The following CDKAL1 variants were observed in gnomAD, a reference collection of about 807,000 sequenced individuals.
The protein encoded by CDKAL1 is CDKAL1 threonylcarbamoyladenosine tRNA methylthiotransferase, also known as threonylcarbamoyladenosine tRNA methylthiotransferase.
Under a neutral mutation model 68.2 loss-of-function variants are expected in CDKAL1, and 32 were observed. That is an observed-to-expected ratio of 0.47 (90% CI 0.35 to 0.63). CDKAL1 has a LOEUF of 0.63. Among genes scored for constraint, CDKAL1 ranks in the 30% least tolerant of loss-of-function variants. The probability of loss-of-function intolerance (pLI) is 0.00; values close to 1 mark genes in which losing one functional copy is unlikely to be tolerated. For missense variants in CDKAL1, 606 were observed against 696.7 expected (o/e 0.87, Z 1.47); for synonymous variants, 234 against 244.3 (o/e 0.96, Z 0.39).
At position 20,628,163 on chromosome 6, in the gene CDKAL1, C is replaced by T. The variant is rs1279147410; in HGVS notation, c.287-21130C>T. 2.0e-5 allele frequency among the ~76,000 whole-genome samples: 3 copies of T among 152,050 alleles called. No individual in the cohort carries two copies. The East Asian group carries it at 5.8e-4, about 29-fold the overall frequency. Reference sequence around the variant, plus strand: ...TGAGTGGTGAGGGTGGTCATCCCTACCTTGTTCCTAATCTTAGGGAGAAAG... The same window carrying T: ...TGAGTGGTGAGGGTGGTCATCCCTATCTTGTTCCTAATCTTAGGGAGAAAG... On this transcript the variant is annotated intron_variant, in intron 4 of 15. Coordinates refer to ENST00000274695, the MANE Select transcript of CDKAL1 (RefSeq NM_017774.3).
intron 11 of CDKAL1, among the ~76,000 whole-genome samples, chr6:21,007,482 CAAAAAAAAAAAAA>C (rs147527333): frequency 8.3e-5 from 7 of 84,548 alleles, no homozygotes; most frequent in African/African-American, 2.9e-4. Flanking sequence ...GACCCTGTCT[CAAAAAAAAAAAAA>C]AAAAAAAAAA....
chr6:20,920,203 G>C (rs902857697), intron 9 of CDKAL1, among the ~76,000 whole-genome samples: 2 of 152,086 alleles, frequency 1.3e-5, no homozygotes, highest in African/African-American at 4.8e-5. Context: ...CATCTCTTTT[G>C]GTCTGACTGT....
At chr6:21,030,435 G>T (rs561553114) in intron 11 of CDKAL1, among the ~76,000 whole-genome samples, 2 of 152,052 alleles carry the variant, frequency 1.3e-5, no homozygotes, top group Admixed American at 1.3e-4. Flanking sequence ...CATGGCACAC[G>T]TATACCTATG....
At chr6:21,192,382 C>T (rs1400709579) in intron 13 of CDKAL1, among the ~76,000 whole-genome samples, 1 of 152,166 alleles carries the variant, frequency 6.6e-6, no homozygotes, top group Non-Finnish European at 1.5e-5. Flanking sequence ...AAGTTCTGTA[C>T]ATCCTAGGAA....
intron 15 of CDKAL1, among the ~76,000 whole-genome samples, chr6:21,224,524 T>TAAAC (rs911737383): frequency 6.6e-6 from 1 of 151,606 alleles, no homozygotes; most frequent in Non-Finnish European, 1.5e-5. Flanking sequence ...AAAATAATAA[T>TAAAC]AAACAATAAC....
intron 7 of CDKAL1, among the ~76,000 whole-genome samples, chr6:20,775,579 C>G (rs911232336): frequency 6.6e-6 from 1 of 152,196 alleles, no homozygotes; most frequent in African/African-American, 2.4e-5. Flanking sequence ...TTTTACCTTT[C>G]ACATCTCAAC....
At chr6:21,032,302 C>G (rs1769337121) in intron 11 of CDKAL1, among the ~76,000 whole-genome samples, 1 of 152,112 alleles carries the variant, frequency 6.6e-6, no homozygotes, top group Non-Finnish European at 1.5e-5. Context: ...GTTGCCCAGG[C>G]TGGTCTCAAA....
chr6:20,542,987 T>TATGTC (rs1763446779), intron 2 of CDKAL1, among the ~76,000 whole-genome samples: 1 of 152,252 alleles, frequency 6.6e-6, no homozygotes, highest in Non-Finnish European at 1.5e-5. Context: ...GGTTGATGCA[T>TATGTC]ATGTCATTAG....
intron 10 of CDKAL1, among the ~76,000 whole-genome samples, chr6:20,968,353 C>T (rs913769946): frequency 6.6e-6 from 1 of 151,756 alleles, no homozygotes; most frequent in Non-Finnish European, 1.5e-5. Context: ...GAGACAGAGT[C>T]TCACTGTGTT....
intron 9 of CDKAL1, among the ~76,000 whole-genome samples, chr6:20,882,231 C>T (rs982417442): frequency 2.0e-5 from 3 of 152,172 alleles, no homozygotes; most frequent in South Asian, 2.1e-4. Context: ...TCTCCAAAGG[C>T]GGAAGAACGC....
At chr6:20,972,932 A>G (rs1485947734) in intron 10 of CDKAL1, among the ~76,000 whole-genome samples, 2 of 152,156 alleles carry the variant, frequency 1.3e-5, no homozygotes, top group Admixed American at 6.5e-5. Context: ...TAGATAACAT[A>G]TCACTAGTGC....
chr6:20,796,024 A>G (rs547584593), intron 8 of CDKAL1, among the ~76,000 whole-genome samples: 5 of 152,292 alleles, frequency 3.3e-5, no homozygotes, highest in African/African-American at 1.2e-4. Context: ...AAAGGAGTCA[A>G]TGTTAGATAT....
intron 13 of CDKAL1, among the ~76,000 whole-genome samples, chr6:21,171,159 CT>C (rs1777369841): frequency 6.6e-6 from 1 of 152,080 alleles, no homozygotes; most frequent in Non-Finnish European, 1.5e-5. Context: ...TATTTGCTTC[CT>C]TTAGACCTTG....
chr6:20,724,469 C>A (rs1581451202), intron 5 of CDKAL1, among the ~76,000 whole-genome samples: 2 of 151,978 alleles, frequency 1.3e-5, no homozygotes, highest in Admixed American at 1.3e-4. Flanking sequence ...GTAATCCCAG[C>A]ACTTTGGGAG....
At chr6:20,830,202 T>C (rs897262307) in intron 8 of CDKAL1, among the ~76,000 whole-genome samples, 1 of 152,180 alleles carries the variant, frequency 6.6e-6, no homozygotes, top group African/African-American at 2.4e-5. Flanking sequence ...TACATGATCA[T>C]AGCTGAGCCT....
chr6:20,891,078 T>A (rs546170868), intron 9 of CDKAL1, among the ~76,000 whole-genome samples: 1 of 152,318 alleles, frequency 6.6e-6, no homozygotes, highest in African/African-American at 2.4e-5. Context: ...AAGTAGTAGA[T>A]GACAGAGTCA....
chr6:20,668,264 G>T (rs569374513), intron 5 of CDKAL1, among the ~76,000 whole-genome samples: 7 of 151,992 alleles, frequency 4.6e-5, no homozygotes, highest in African/African-American at 1.2e-4. Flanking sequence ...GTCACCTCTC[G>T]ACTTTTTTGG....
rs1766022174 is a variant in CDKAL1, at chr6:20,979,811, A to ATAATAT, written c.910-20416_910-20415insTAATAT. Among the ~76,000 whole-genome samples, 2 of 142,934 alleles carry ATAATAT rather than the reference A, an allele frequency of 1.4e-5. 1 individual carries two copies. The highest frequency in any genetic ancestry group is 4.4e-4 in the South Asian group (2 of 4,528). 93.8% of individuals were successfully genotyped at this position (142,934 alleles called of 152,430 possible). A position where few individuals can be genotyped will look rare whatever the true frequency, so the allele number is the denominator to read the frequency against. On this transcript the variant is annotated intron_variant, in intron 10 of 15. Transcript: ENST00000274695. Reference sequence around the variant, plus strand: ...TTTTGGGACAGCATCTCACTTTGTCACCCATGCTGGGGTGCAGTGGCATAA... The same window carrying ATAATAT: ...TTTTGGGACAGCATCTCACTTTGTCATAATATCCCATGCTGGGGTGCAGTGGCATAA...
intron 10 of CDKAL1, among the ~76,000 whole-genome samples, chr6:20,997,256 A>T (rs968891915): frequency 7.2e-5 from 11 of 152,214 alleles, no homozygotes; most frequent in African/African-American, 2.4e-4. Flanking sequence ...GTCATAAAGG[A>T]AGAAGATTCT....
Sources: allele counts gnomAD v4.1 joint callset (sites outside exome capture counted in the v4.1 genomes callset), GRCh38; gene constraint gnomAD v4.1.1; transcripts MANE v1.5; gene names NCBI Gene and HGNC (gene_info 2026-07-23, HGNC 2026-07-21).